Variants in NFAM1 observed in about 807,000 individuals in gnomAD.
NFAM1 encodes NFAT activation molecule 1.
Under a neutral mutation model 29.0 loss-of-function variants are expected in NFAM1, and 17 were observed. That is an observed-to-expected ratio of 0.59 (90% CI 0.40 to 0.88). The LOEUF (loss-of-function observed/expected upper bound fraction) is 0.88. NFAM1 is among the 40% of genes least tolerant of loss of function. The probability of loss-of-function intolerance (pLI) is 0.00; values close to 1 mark genes in which losing one functional copy is unlikely to be tolerated. For synonymous variants in NFAM1, 175 were observed against 147.2 expected, an observed-to-expected ratio of 1.19 and a Z score of -1.36; for missense variants, 324 against 344.6, an observed-to-expected ratio of 0.94 and a Z score of 0.47.
chr22:42,394,767 T>C (rs1929461008), intron 4 of NFAM1, among the ~76,000 whole-genome samples: 1 of 152,198 alleles, frequency 6.6e-6, no homozygotes, highest in Non-Finnish European at 1.5e-5. Context: ...ACCACCTCTA[T>C]TCACCATCAT....
rs559713717 is a variant in NFAM1 at position 42,383,518 on chromosome 22, G to A, written c.*1643C>T. The A allele has an allele frequency of 6.5e-6, 1 of 152,754 alleles. No homozygotes were observed. Among genetic ancestry groups the A allele is most frequent in the Non-Finnish European group, 1.5e-5 (1 of 68,080 alleles). The allele number at this position is 152,754 out of a possible 1,614,324, so 9.5% of individuals were successfully genotyped here. Reference sequence around the variant, plus strand: ...CCTTGCCATGTGTGCTTGCAGGCGGGGGCCCAGAACCAAGTTGGGAGGCCA... The same window carrying A: ...CCTTGCCATGTGTGCTTGCAGGCGGAGGCCCAGAACCAAGTTGGGAGGCCA... On this transcript the variant is annotated 3_prime_UTR_variant, in exon 6 of 6. Coordinates refer to ENST00000329021, the MANE Select transcript of NFAM1 (RefSeq NM_145912.8).
chr22:42,404,629 G>A (rs1448397677), intron 3 of NFAM1, among the ~76,000 whole-genome samples: 1 of 152,072 alleles, frequency 6.6e-6, no homozygotes, highest in Non-Finnish European at 1.5e-5. Flanking sequence ...GTGCTCTCCT[G>A]CAGATCTCCT....
chr22:42,432,695 A>C (rs944353067), upstream of NFAM1, among the ~76,000 whole-genome samples: 6 of 152,066 alleles, frequency 3.9e-5, no homozygotes, highest in African/African-American at 1.4e-4. Context: ...GATTTCCATG[A>C]GTGACTTCGG....
chr22:42,426,650 A>G (rs754151429), intron 1 of NFAM1, among the ~76,000 whole-genome samples: 1 of 152,166 alleles, frequency 6.6e-6, no homozygotes, highest in Non-Finnish European at 1.5e-5. Context: ...ACCCTGGGAC[A>G]GTGAATCACC....
At chr22:42,422,412 A>T (rs6002733) in intron 1 of NFAM1, among the ~76,000 whole-genome samples, 2 of 151,716 alleles carry the variant, frequency 1.3e-5, no homozygotes, top group African/African-American at 4.8e-5. Flanking sequence ...TCGAGACCAG[A>T]CTGGCCAACA....
At chr22:42,435,064 G>A (rs76753271), upstream of NFAM1, among the ~76,000 whole-genome samples, 3,645 of 152,336 alleles carry the variant, frequency 0.024, 86 homozygotes, top group South Asian at 0.072. Flanking sequence ...GCTTCCAAGC[G>A]CCTGACACTG....
Position 42,409,786 on chromosome 22 carries a change from T to G in NFAM1, c.452-239A>C, listed in dbSNP as rs1266435307. ...GGGCCATTTGCTCTTCCGGTGCCCC[T>G]GCCCCCGTGACCTGGCTCCCCTGTG... is the stretch of plus-strand genomic sequence containing the variant. On this transcript the variant is annotated intron_variant, in intron 2 of 5. Transcript: ENST00000329021. This position sits in a 1 kb window ranked among gnomAD's most constrained non-coding sequence, Gnocchi z 4.9. Among the ~76,000 whole-genome samples, 2 of 152,198 alleles carry G rather than the reference T, an allele frequency of 1.3e-5. No individual in the cohort carries two copies. Among genetic ancestry groups the G allele is most frequent in the East Asian group, 1.9e-4 (1 of 5,196 alleles).
At chr22:42,425,023 A>T (rs1389287006) in intron 1 of NFAM1, among the ~76,000 whole-genome samples, 2 of 151,840 alleles carry the variant, frequency 1.3e-5, no homozygotes, top group Non-Finnish European at 1.5e-5. Flanking sequence ...CCAGGTTCAA[A>T]CAATTCTCCT....
At chr22:42,429,433 C>T (rs896029854) in intron 1 of NFAM1, among the ~76,000 whole-genome samples, 3 of 151,924 alleles carry the variant, frequency 2.0e-5, no homozygotes, top group East Asian at 3.9e-4. Flanking sequence ...CTGGCCAACA[C>T]GGTGAAAACC....
chr22:42,399,857 T>C (rs551241382), intron 3 of NFAM1, among the ~76,000 whole-genome samples: 5 of 152,324 alleles, frequency 3.3e-5, no homozygotes, highest in Non-Finnish European at 7.4e-5. Flanking sequence ...CCAGCCCATT[T>C]ACTGCGGGAT....
At chr22:42,391,871 G>C (rs1929353608) in intron 4 of NFAM1, among the ~76,000 whole-genome samples, 1 of 151,154 alleles carries the variant, frequency 6.6e-6, no homozygotes, top group African/African-American at 2.4e-5. Flanking sequence ...CTTGAACCTG[G>C]GAGGCGGAGG....
chr22:42,437,206 G>A (rs1020775511), upstream of NFAM1, among the ~76,000 whole-genome samples: 7 of 148,666 alleles, frequency 4.7e-5, no homozygotes, highest in African/African-American at 7.5e-5. Flanking sequence ...GCAGTGGTGC[G>A]ATCTTGGCTC....
Position 42,397,926 on chromosome 22 carries a change from T to C in NFAM1, c.595A>G (p.Thr199Ala). 1 of 1,610,180 alleles carries C rather than the reference T, an allele frequency of 6.2e-7. No individual in the cohort carries two copies. The highest frequency in any genetic ancestry group is 8.5e-7 in the Non-Finnish European group (1 of 1,177,424). The change falls in exon 4 of 6, where the codon ACC becomes GCC. Residue 199 changes from threonine (T) to alanine (A), a missense_variant. Thr to Ala is a moderately conservative substitution (Grantham distance 58). Coordinates refer to ENST00000329021, the MANE Select transcript of NFAM1 (RefSeq NM_145912.8). ...GATCTTGGATCTGGGCACTTCCTGG[T>C]GGGGTCCTTCCCTGGACCCCGCATC... is the stretch of plus-strand genomic sequence containing the variant. Reference protein sequence around the residue: ...KRMRGPGKDPTRKCPDPRSAS... With the variant: ...KRMRGPGKDPARKCPDPRSAS...
At chr22:42,420,248 G>A (rs1472435976) in intron 1 of NFAM1, among the ~76,000 whole-genome samples, 2 of 151,938 alleles carry the variant, frequency 1.3e-5, no homozygotes, top group East Asian at 1.9e-4. Flanking sequence ...GAACTTGGGT[G>A]ATTTCTTGAG....
upstream of NFAM1, among the ~76,000 whole-genome samples, chr22:42,434,563 G>A (rs543266912): frequency 1.7e-4 from 26 of 152,310 alleles, no homozygotes; most frequent in African/African-American, 2.4e-4. Flanking sequence ...CTGCGCTGTC[G>A]GGGCCTCGTG....
Position 42,384,744 on chromosome 22 carries a change from C to A in NFAM1, c.*417G>T. On this transcript the variant is annotated 3_prime_UTR_variant, in exon 6 of 6. Coordinates refer to ENST00000329021, the MANE Select transcript of NFAM1 (RefSeq NM_145912.8). ...CTCCCCACACAGCACTGCTAGGCGC[C>A]CCTGCAGGGTCCTCCCTCAGCTCAG... 1 of 233,952 alleles carries A rather than the reference C, an allele frequency of 4.3e-6. No homozygotes were observed. The highest frequency in any genetic ancestry group is 8.5e-6 in the Non-Finnish European group (1 of 117,340). 14.5% of individuals were successfully genotyped at this position (233,952 alleles called of 1,614,324 possible).
chr22:42,398,796 G>C (rs1431774098), intron 3 of NFAM1, among the ~76,000 whole-genome samples: 1 of 152,170 alleles, frequency 6.6e-6, no homozygotes. Flanking sequence ...TAGGTGCCTG[G>C]TGCTTAGGAG....
intron 1 of NFAM1, among the ~76,000 whole-genome samples, chr22:42,430,440 G>C (rs1325387174): frequency 6.6e-6 from 1 of 151,712 alleles, no homozygotes; most frequent in Non-Finnish European, 1.5e-5. Flanking sequence ...GGCACCTGTA[G>C]TGCCAGCTAC....
intron 4 of NFAM1, among the ~76,000 whole-genome samples, chr22:42,393,527 G>T (rs541715729): frequency 1.3e-5 from 2 of 151,326 alleles, no homozygotes; most frequent in Non-Finnish European, 2.9e-5. Flanking sequence ...TCCTGCCTCG[G>T]CCTCCTGAGT....
Sources: gnomAD v4.1 joint callset for allele counts (sites outside exome capture counted in the v4.1 genomes callset) on GRCh38, gnomAD v4.1.1 for gene constraint, Gnocchi (gnomAD v3.1) non-coding constraint, MANE v1.5 for transcripts, NCBI Gene and HGNC (gene_info 2026-07-23, HGNC 2026-07-21) for gene names.